The following CNTNAP2 variants were observed in gnomAD, a reference collection of about 807,000 sequenced individuals.
CNTNAP2 encodes contactin-associated protein-like 2.
CNTNAP2 carries 98 observed loss-of-function variants against 155.2 expected under a neutral mutation model. The observed-to-expected ratio is 0.63, with a 90% CI of 0.54 to 0.75. The LOEUF is 0.75. CNTNAP2 is among the 30% of genes least tolerant of loss of function. The pLI is 0.00. For missense variants in CNTNAP2, 1,727 were observed against 1,688.1 expected, an observed-to-expected ratio of 1.02 and a Z score of -0.40; for synonymous variants, 651 against 631.2, an observed-to-expected ratio of 1.03 and a Z score of -0.47.
intron 2 of CNTNAP2, among the ~76,000 whole-genome samples, chr7:146,782,801 T>C (rs1257870334): frequency 1.3e-5 from 2 of 152,178 alleles, no homozygotes; most frequent in African/African-American, 4.8e-5. Flanking sequence ...AATATTAGTC[T>C]CTTTCCCATA....
At chr7:147,464,465 TAAAAAAA>T (rs71183005) in intron 10 of CNTNAP2, among the ~76,000 whole-genome samples, 2 of 65,960 alleles carry the variant, frequency 3.0e-5, no homozygotes, top group South Asian at 5.2e-4. Context: ...AGACTCCATC[TAAAAAAA>T]AAAAAAAAAA....
intron 4 of CNTNAP2, among the ~76,000 whole-genome samples, chr7:147,091,125 G>A (rs368254902): frequency 2.0e-5 from 3 of 152,036 alleles, no homozygotes; most frequent in Admixed American, 6.5e-5. Flanking sequence ...ACGCCCCATC[G>A]GATGATCATG....
chr7:146,852,070 C>G lies in CNTNAP2; in HGVS notation c.402+12166C>G, dbSNP rs1794890114. ...TTACTCTGGTATGACCTCATATTAA[C>G]TATACATGTAAAGACCCTGTTTCCA... On this transcript the variant is annotated intron_variant, in intron 3 of 23. Coordinates refer to ENST00000361727, the MANE Select transcript of CNTNAP2 (RefSeq NM_014141.6). Among the ~76,000 whole-genome samples the G allele has an allele frequency of 1.3e-5, 2 of 152,076 alleles. 1 individual carries two copies. The highest frequency in any genetic ancestry group is 4.1e-4 in the South Asian group (2 of 4,834).
At chr7:146,635,861 A>G (rs766094) in intron 1 of CNTNAP2, among the ~76,000 whole-genome samples, 21,405 of 151,968 alleles carry the variant, frequency 0.14, 2,078 homozygotes, top group African/African-American at 0.28. Context: ...GGGGTTTCAA[A>G]TTACTCTGCT....
At chr7:148,296,545 CAAAAAAAAA>C (rs143609414) in intron 21 of CNTNAP2, among the ~76,000 whole-genome samples, 5 of 76,606 alleles carry the variant, frequency 6.5e-5, no homozygotes, top group African/African-American at 1.5e-4. Flanking sequence ...GACTCTGTCT[CAAAAAAAAA>C]AAAAAAAAAA....
rs1331409610 is a variant in CNTNAP2 at position 147,502,297 on chromosome 7, A to G, written c.1777+16256A>G. Among the ~76,000 whole-genome samples, 3 of 152,348 alleles carry G rather than the reference A, an allele frequency of 2.0e-5. No individual in the cohort carries two copies. The South Asian group carries it at 6.2e-4, about 32-fold the overall frequency. On this transcript the variant is annotated intron_variant, in intron 11 of 23. Coordinates refer to ENST00000361727, the MANE Select transcript of CNTNAP2 (RefSeq NM_014141.6). ...AGCAAAAGAAAGCTGGAGGAATCAC[A>G]TACTAAGTGTGAGGGAAATGCATAT...
At chr7:147,241,776 G>A (rs12531968) in intron 8 of CNTNAP2, among the ~76,000 whole-genome samples, 7,862 of 151,610 alleles carry the variant, frequency 0.052, 301 homozygotes, top group Non-Finnish European at 0.077. Flanking sequence ...TGAAGTCTTC[G>A]TAAATATAAT....
intron 3 of CNTNAP2, among the ~76,000 whole-genome samples, chr7:146,901,682 G>T (rs974584384): frequency 8.5e-5 from 13 of 152,148 alleles, no homozygotes; most frequent in African/African-American, 3.1e-4. Flanking sequence ...TACTTACTTG[G>T]ATTGGATATC....
chr7:148,045,502 A>G (rs1412568789), intron 15 of CNTNAP2, among the ~76,000 whole-genome samples: 1 of 152,122 alleles, frequency 6.6e-6, no homozygotes, highest in East Asian at 1.9e-4. Flanking sequence ...AGATACCTGG[A>G]TTGACCGCCT....
At chr7:146,409,009 T>A (rs920685993) in intron 1 of CNTNAP2, among the ~76,000 whole-genome samples, 7 of 152,124 alleles carry the variant, frequency 4.6e-5, no homozygotes, top group Admixed American at 2.0e-4. Context: ...TATATAATAA[T>A]CTCATCTAAT....
rs566896798 is a variant in CNTNAP2, at chr7:147,021,654, C to A, written c.403-22253C>A. 3.0e-4 allele frequency among the ~76,000 whole-genome samples: 46 copies of A among 152,288 alleles called. 2 individuals are homozygous for A. The South Asian group carries it at 8.3e-3, about 27-fold the overall frequency. On this transcript the variant is annotated intron_variant, in intron 3 of 23. Transcript: ENST00000361727. ...TTCTTACAACAATTTTCTTCCTCCT[C>A]CTACTGGTTTAATTCACTTTGGAAC...
intron 12 of CNTNAP2, among the ~76,000 whole-genome samples, chr7:147,586,347 GAAA>G (rs201922660): frequency 0.22 from 31,877 of 144,974 alleles, 3,553 homozygotes; most frequent in Admixed American, 0.31. Context: ...AATTTCAAAA[GAAA>G]GGAGGGTATA....
At chr7:146,676,160 AAATC>A (rs1304934459) in intron 1 of CNTNAP2, among the ~76,000 whole-genome samples, 14 of 152,314 alleles carry the variant, frequency 9.2e-5, no homozygotes, top group Admixed American at 8.5e-4. Flanking sequence ...TGTATATCAT[AAATC>A]AGTTTGTTTA....
chr7:146,700,161 A>C (rs1800851236), intron 1 of CNTNAP2, among the ~76,000 whole-genome samples: 1 of 152,006 alleles, frequency 6.6e-6, no homozygotes. Flanking sequence ...CCCTCAAACT[A>C]GTCAACACCC....
chr7:146,188,284 C>T (rs1798651598), intron 1 of CNTNAP2, among the ~76,000 whole-genome samples: 1 of 152,130 alleles, frequency 6.6e-6, no homozygotes, highest in African/African-American at 2.4e-5. Context: ...GTGAGCTTTT[C>T]CAGTATAGCA....
chr7:148,410,592 A>G (rs1047081580), intron 23 of CNTNAP2, among the ~76,000 whole-genome samples: 1 of 149,368 alleles, frequency 6.7e-6, no homozygotes, highest in Non-Finnish European at 1.5e-5. Context: ...AAAAAATACG[A>G]AAAGGGAAAT....
chr7:147,408,658 T>G (rs1222791062), intron 10 of CNTNAP2, among the ~76,000 whole-genome samples: 2 of 152,160 alleles, frequency 1.3e-5, no homozygotes, highest in Non-Finnish European at 2.9e-5. Context: ...CTCGGGAGGC[T>G]GAGGCAGGAG....
intron 1 of CNTNAP2, among the ~76,000 whole-genome samples, chr7:146,433,531 C>CAT (rs1404525916): frequency 6.6e-6 from 1 of 151,928 alleles, no homozygotes; most frequent in Non-Finnish European, 1.5e-5. Flanking sequence ...TATGTGTGTA[C>CAT]ATATATATAT....
intron 12 of CNTNAP2, among the ~76,000 whole-genome samples, chr7:147,580,380 G>A (rs1045737087): frequency 3.9e-5 from 6 of 152,050 alleles, no homozygotes; most frequent in African/African-American, 1.4e-4. Context: ...CACCCTCACT[G>A]AATTTTGAGC....
Sources: allele counts gnomAD v4.1 joint callset (sites outside exome capture counted in the v4.1 genomes callset), GRCh38; gene constraint gnomAD v4.1.1; transcripts MANE v1.5; gene names NCBI Gene and HGNC (gene_info 2026-07-23, HGNC 2026-07-21).